LAMA3: variants seen among roughly 807,000 people sequenced by gnomAD.
The protein encoded by LAMA3 is laminin subunit alpha 3, also known as laminin subunit alpha-3.
A neutral mutation model predicts 402.0 loss-of-function variants in LAMA3; 281 were observed. That is an observed-to-expected ratio of 0.70 (90% confidence interval 0.63 to 0.77). The LOEUF is 0.77. LAMA3 is among the 30% of genes least tolerant of loss of function. The probability of loss-of-function intolerance (pLI) is 0.00; values close to 1 mark genes in which losing one functional copy is unlikely to be tolerated. For missense variants in LAMA3, 3,840 were observed against 4,215.5 expected (o/e 0.91, Z 2.47); for synonymous variants, 1,431 against 1,558.4 (o/e 0.92, Z 1.93).
intron 11 of LAMA3, chr18:23,781,298 G>A (rs1335179076): frequency 4.4e-6 from 2 of 456,048 alleles, no homozygotes; most frequent in Admixed American, 4.7e-5. Context: ...GACGGACAGG[G>A]TGGTGCTCAT....
chr18:23,784,236 G>A, intron 12 of LAMA3, 79 bp downstream of exon 12: 1 of 1,558,450 alleles, frequency 6.4e-7, no homozygotes, highest in Non-Finnish European at 8.8e-7. Flanking sequence ...GATCTTTCTG[G>A]CAGAGCTGTC....
chr18:23,836,076 C>A (rs1464840375), intron 24 of LAMA3, among the ~76,000 whole-genome samples: 3 of 150,084 alleles, frequency 2.0e-5, no homozygotes, highest in Non-Finnish European at 4.4e-5. Flanking sequence ...TAGGATTATG[C>A]CTAAATCCAA....
intron 60 of LAMA3, among the ~76,000 whole-genome samples, chr18:23,917,960 G>T (rs1382048958): frequency 6.6e-6 from 1 of 151,796 alleles, no homozygotes; most frequent in Non-Finnish European, 1.5e-5. Context: ...TTCTATAATG[G>T]TATTTCTAGG....
rs1015288662 is a variant in LAMA3, at chr18:23,918,303, G to A, written c.7923+1608G>A. Among the ~76,000 whole-genome samples the A allele has an allele frequency of 6.6e-6, 1 of 152,132 alleles. No individual in the cohort carries two copies. Among genetic ancestry groups the A allele is most frequent in the South Asian group, 2.1e-4 (1 of 4,828 alleles). ...TTGAGAACATGCCCCCCAAAATGTG[G>A]GAGAAATCTCCCCTTTTCCTGTTCT... On this transcript the variant is annotated intron_variant, in intron 60 of 74. Coordinates refer to ENST00000313654, the MANE Select transcript of LAMA3 (RefSeq NM_198129.4). This position sits in a 1 kb window ranked among gnomAD's most constrained non-coding sequence, Gnocchi z 4.1.
At chr18:23,699,024 TA>T (rs2060740049) in intron 1 of LAMA3, among the ~76,000 whole-genome samples, 1 of 142,466 alleles carries the variant, frequency 7.0e-6, no homozygotes, top group African/African-American at 2.7e-5. Context: ...GGCGGGCAGA[TA>T]GAGAGAGAGA....
chr18:23,831,669 G>T (rs1361742160), intron 23 of LAMA3, among the ~76,000 whole-genome samples: 1 of 152,200 alleles, frequency 6.6e-6, no homozygotes, highest in East Asian at 1.9e-4. Flanking sequence ...GGGTATGTCT[G>T]TCTTGCTTCC....
At chr18:23,951,895 C>A (rs1174695028) in intron 73 of LAMA3, 118 bp downstream of exon 73, 2 of 780,370 alleles carry the variant, frequency 2.6e-6, no homozygotes, top group African/African-American at 1.7e-5. Context: ...CAGGGCCAGC[C>A]CCCGAGGCTA....
intron 2 of LAMA3, among the ~76,000 whole-genome samples, chr18:23,724,512 C>G (rs1452111256): frequency 6.8e-6 from 1 of 147,190 alleles, no homozygotes; most frequent in East Asian, 2.0e-4. Flanking sequence ...CTGATATGAG[C>G]TTCTGACTGT....
Position 23,933,763 on chromosome 18 carries a change from A to G in LAMA3, c.8709-19A>G, listed in dbSNP as rs775835193. 1 of 1,613,730 alleles carries G rather than the reference A, an allele frequency of 6.2e-7. No homozygotes were observed. On this transcript the variant is annotated intron_variant, in intron 66 of 74. Transcript: ENST00000313654. ...ATGTCCAAGTTTGGCAGCATCTTTCATTTCTGCTCTTTTTCCAGGTTATCA... is the reference window on the plus strand; with the variant it reads ...ATGTCCAAGTTTGGCAGCATCTTTCGTTTCTGCTCTTTTTCCAGGTTATCA...
chr18:23,814,608 T>A, intron 15 of LAMA3, 106 bp downstream of exon 15: 2 of 765,608 alleles, frequency 2.6e-6, no homozygotes, highest in Non-Finnish European at 4.6e-6. Flanking sequence ...TCACTTCAAT[T>A]TGACAAGATT....
In LAMA3 at chr18:23,903,915, T is replaced by A; in HGVS notation, c.6319-18T>A. 1 of 1,596,944 alleles carries A rather than the reference T, an allele frequency of 6.3e-7. No individual in the cohort carries two copies. On this transcript the variant is annotated intron_variant, in intron 49 of 74. Coordinates refer to ENST00000313654, the MANE Select transcript of LAMA3 (RefSeq NM_198129.4). ...TTTCCTTGAATTTATACTGTCTTTG[T>A]TTATTTGGAAAAAATAGGAATATGA...
In LAMA3 at chr18:23,736,732, C is replaced by G. The variant is rs534373785; in HGVS notation, c.448-11211C>G. On this transcript the variant is annotated intron_variant, in intron 2 of 74. Transcript: ENST00000313654. The stretch of plus-strand genomic sequence containing the variant: ...TGTAGTATTTGGGTTACAGGGAGCA[C>G]AGAAGGCTCCCAGGATTGGGAAAAG... Among the ~76,000 whole-genome samples, 4 of 152,162 alleles carry G rather than the reference C, an allele frequency of 2.6e-5. No individual in the cohort carries two copies. In the South Asian group the frequency reaches 6.2e-4, roughly 24 times the overall value.
chr18:23,691,351 T>C (rs1227422725), intron 1 of LAMA3, among the ~76,000 whole-genome samples: 1 of 152,028 alleles, frequency 6.6e-6, no homozygotes, highest in Non-Finnish European at 1.5e-5. Flanking sequence ...ATGATGAAAA[T>C]ATTTTTACCA....
At chr18:23,945,507 G>A (rs372640333) in intron 69 of LAMA3, among the ~76,000 whole-genome samples, 3 of 152,318 alleles carry the variant, frequency 2.0e-5, no homozygotes, top group South Asian at 2.1e-4. Context: ...GATTTCTGTC[G>A]TGAACATCTC....
At position 23,743,924 on chromosome 18, in the gene LAMA3, C is replaced by T. The variant is rs1281996903; in HGVS notation, c.448-4019C>T. On this transcript the variant is annotated intron_variant, in intron 2 of 74. Coordinates refer to ENST00000313654, the MANE Select transcript of LAMA3 (RefSeq NM_198129.4). ...GCTTTCTAGTCTCACAGAGGGTCCT[C>T]GTTTATATCAGCAAATCTCTAGCAG... is the stretch of plus-strand genomic sequence containing the variant. 5.3e-5 allele frequency among the ~76,000 whole-genome samples: 8 copies of T among 152,102 alleles called. No individual in the cohort carries two copies. In the East Asian group the frequency reaches 5.8e-4, roughly 11 times the overall value.
chr18:23,911,371 T>A (rs1324466948), intron 55 of LAMA3, among the ~76,000 whole-genome samples: 1 of 152,222 alleles, frequency 6.6e-6, no homozygotes, highest in Admixed American at 6.5e-5. Context: ...ATATTTATCT[T>A]CTTGGTCCAC....
At position 23,864,769 on chromosome 18, in the gene LAMA3, A is replaced by G. The variant is rs2144764267; in HGVS notation, c.4585-16A>G. 2 of 1,511,480 alleles carry G rather than the reference A, an allele frequency of 1.3e-6. No homozygotes were observed. Among genetic ancestry groups the G allele is most frequent in the South Asian group, 1.1e-5 (1 of 89,026 alleles). The allele number at this position is 1,511,480 out of a possible 1,614,324, so 93.6% of individuals were successfully genotyped here. ...TTTTAATGCTTGTGCTATTGATGCT[A>G]TTAATTCCATTTTAGGTTTCTTCAT... On this transcript the variant is annotated splice_polypyrimidine_tract_variant and intron_variant, in intron 35 of 74. Coordinates refer to ENST00000313654, the MANE Select transcript of LAMA3 (RefSeq NM_198129.4).
rs2245433 is a variant in LAMA3, at chr18:23,914,254, A to G, written c.7330-156A>G. The stretch of plus-strand genomic sequence containing the variant: ...TCTCACATTATTAATTCTGCATTCT[A>G]TATTATTCTATAAAATATTGCACCT... On this transcript the variant is annotated intron_variant, in intron 56 of 74. Coordinates refer to ENST00000313654, the MANE Select transcript of LAMA3 (RefSeq NM_198129.4). Among the ~76,000 whole-genome samples, 103,257 of 152,162 alleles carry G rather than the reference A, an allele frequency of 0.68. 40,099 individuals are homozygous for G. Among genetic ancestry groups the G allele is most frequent in the Non-Finnish European group, 0.89 (60,554 of 68,020 alleles).
chr18:23,895,135 A>G (rs1599027925), intron 44 of LAMA3, 77 bp downstream of exon 44: 2 of 1,491,444 alleles, frequency 1.3e-6, no homozygotes, highest in Non-Finnish European at 1.8e-6. Flanking sequence ...GCAGGAAGGG[A>G]AAGGTTGACT....
Sources: allele counts gnomAD v4.1 joint callset (sites outside exome capture counted in the v4.1 genomes callset), GRCh38; gene constraint gnomAD v4.1.1; non-coding constraint Gnocchi (gnomAD v3.1); transcripts MANE v1.5; gene names NCBI Gene and HGNC (gene_info 2026-07-23, HGNC 2026-07-21).